LYPD6: variants seen among roughly 807,000 people sequenced by gnomAD.
The protein encoded by LYPD6 is ly6/PLAUR domain-containing protein 6.
In LYPD6, 15 loss-of-function variants were observed where a neutral mutation model predicts 22.7. That is an observed-to-expected ratio of 0.66 (90% CI 0.44 to 1.02). The LOEUF (loss-of-function observed/expected upper bound fraction) is 1.02, where lower values mean the gene tolerates loss of function less well. LYPD6 is among the 50% of genes least tolerant of loss of function. LYPD6 has a pLI of 0.00. For missense variants in LYPD6, 189 were observed against 208.4 expected, an observed-to-expected ratio of 0.91 and a Z score of 0.57; for synonymous variants, 72 against 77.5, an observed-to-expected ratio of 0.93 and a Z score of 0.37.
At chr2:149,338,463 T>G (rs1434967649) in intron 1 of LYPD6, among the ~76,000 whole-genome samples, 2 of 152,118 alleles carry the variant, frequency 1.3e-5, no homozygotes, top group African/African-American at 4.8e-5. Flanking sequence ...TAATCCCCAA[T>G]GTAATAGTAT....
At chr2:149,352,285 C>A (rs1364890960) in intron 1 of LYPD6, among the ~76,000 whole-genome samples, 2 of 152,138 alleles carry the variant, frequency 1.3e-5, no homozygotes, top group South Asian at 2.1e-4. Flanking sequence ...GACTTACTCT[C>A]TGGGGCTCCG....
At chr2:149,358,794 G>A (rs891192493) in intron 1 of LYPD6, among the ~76,000 whole-genome samples, 4 of 152,112 alleles carry the variant, frequency 2.6e-5, no homozygotes, top group African/African-American at 9.6e-5. Flanking sequence ...TGTCAACTTG[G>A]GGAAGTACCA....
chr2:149,433,180 A>G (rs1005274305), intron 1 of LYPD6, among the ~76,000 whole-genome samples: 2 of 152,230 alleles, frequency 1.3e-5, no homozygotes, highest in African/African-American at 4.8e-5. Context: ...TTGGAAATTC[A>G]GCATTAAACA....
chr2:149,474,622 G>T (rs1573839446), downstream of LYPD6, among the ~76,000 whole-genome samples: 1 of 152,320 alleles, frequency 6.6e-6, no homozygotes, highest in East Asian at 1.9e-4. Flanking sequence ...GCTCCTTAAA[G>T]TGTGGTACTT....
At chr2:149,344,799 G>A (rs568106487) in intron 1 of LYPD6, among the ~76,000 whole-genome samples, 2 of 152,282 alleles carry the variant, frequency 1.3e-5, no homozygotes, top group African/African-American at 4.8e-5. Context: ...GGCTGTGTCT[G>A]AATTAGACCT....
intron 1 of LYPD6, among the ~76,000 whole-genome samples, chr2:149,422,806 G>A (rs1333199684): frequency 6.6e-6 from 1 of 151,964 alleles, no homozygotes. Flanking sequence ...CTCTTCCTCT[G>A]TGAGTTCAAC....
chr2:149,373,131 G>A (rs1442187731), intron 1 of LYPD6, among the ~76,000 whole-genome samples: 2 of 152,108 alleles, frequency 1.3e-5, no homozygotes, highest in Admixed American at 1.3e-4. Flanking sequence ...TAGAGGGCAG[G>A]CAAGGGGCTT....
intron 1 of LYPD6, among the ~76,000 whole-genome samples, chr2:149,353,183 G>A (rs1323451211): frequency 1.3e-5 from 2 of 152,240 alleles, no homozygotes; most frequent in African/African-American, 4.8e-5. Context: ...TTGCCAGAGT[G>A]AAAATGCTCG....
At chr2:149,351,392 TAAAA>T (rs71397025) in intron 1 of LYPD6, among the ~76,000 whole-genome samples, 1 of 83,116 alleles carries the variant, frequency 1.2e-5, no homozygotes, top group Non-Finnish European at 2.2e-5. Context: ...AGACTCCATC[TAAAA>T]AAAAAAAAAA....
chr2:149,374,764 C>T (rs1016063269), intron 1 of LYPD6, among the ~76,000 whole-genome samples: 3 of 152,156 alleles, frequency 2.0e-5, no homozygotes, highest in African/African-American at 7.2e-5. Context: ...TAGGCTTTTA[C>T]TATACATGGT....
intron 3 of LYPD6, among the ~76,000 whole-genome samples, chr2:149,451,541 A>G (rs978239259): frequency 1.3e-5 from 2 of 152,178 alleles, no homozygotes; most frequent in African/African-American, 4.8e-5. Flanking sequence ...TTGATGGTAT[A>G]CAAGTATATC....
chr2:149,365,397 A>C (rs996787586), intron 1 of LYPD6, among the ~76,000 whole-genome samples: 1 of 152,212 alleles, frequency 6.6e-6, no homozygotes, highest in Non-Finnish European at 1.5e-5. Flanking sequence ...TAGGAACTGA[A>C]TCAATGTAGG....
At chr2:149,441,901 A>G (rs1195110924) in intron 2 of LYPD6, among the ~76,000 whole-genome samples, 1 of 152,124 alleles carries the variant, frequency 6.6e-6, no homozygotes, top group African/African-American at 2.4e-5. Flanking sequence ...CATGTTTTGA[A>G]TCTTTCCTTA....
At chr2:149,479,622 A>G in the LYPD6 span, among the ~76,000 whole-genome samples, 1 of 151,780 alleles carries the variant, frequency 6.6e-6, no homozygotes, top group South Asian at 2.1e-4. Context: ...ACTTCCCTCT[A>G]CTTCACCTCC....
At chr2:149,367,478 G>T (rs1681701345) in intron 1 of LYPD6, among the ~76,000 whole-genome samples, 1 of 152,108 alleles carries the variant, frequency 6.6e-6, no homozygotes, top group Admixed American at 6.5e-5. Flanking sequence ...CACTAGAACA[G>T]CCGACACTAA....
intron 1 of LYPD6, among the ~76,000 whole-genome samples, chr2:149,408,215 C>T (rs1010723100): frequency 1.4e-4 from 21 of 152,270 alleles, no homozygotes; most frequent in African/African-American, 3.9e-4. Context: ...GCAGTCTGCC[C>T]GTTCTCAGAT....
downstream of LYPD6, among the ~76,000 whole-genome samples, chr2:149,478,606 T>C (rs559860469): frequency 2.2e-3 from 327 of 152,044 alleles, 2 homozygotes; most frequent in African/African-American, 7.3e-3. Flanking sequence ...TACTTTTTTG[T>C]AGAGATGGGG....
chr2:149,404,792 G>C (rs1182177482), intron 1 of LYPD6, among the ~76,000 whole-genome samples: 1 of 152,148 alleles, frequency 6.6e-6, no homozygotes, highest in Non-Finnish European at 1.5e-5. Flanking sequence ...TGGTGAGAGA[G>C]GGCATCCCTG....
intron 1 of LYPD6, among the ~76,000 whole-genome samples, chr2:149,433,852 A>G (rs1320023342): frequency 1.3e-5 from 2 of 151,946 alleles, no homozygotes; most frequent in Non-Finnish European, 2.9e-5. Flanking sequence ...CTCCTTTTTG[A>G]CCTGAGCCTT....
Sources: allele counts gnomAD v4.1 joint callset (sites outside exome capture counted in the v4.1 genomes callset), GRCh38; gene constraint gnomAD v4.1.1; transcripts MANE v1.5; gene names NCBI Gene and HGNC (gene_info 2026-07-23, HGNC 2026-07-21).